DOK6: variants seen among roughly 807,000 people sequenced by gnomAD.
DOK6 encodes the protein docking protein 6.
Under a neutral mutation model 44.0 loss-of-function variants are expected in DOK6, and 22 were observed. The observed-to-expected ratio is 0.50, with a 90% CI of 0.36 to 0.71. The LOEUF (loss-of-function observed/expected upper bound fraction) is 0.71, where lower values mean the gene tolerates loss of function less well. DOK6 is among the 30% of genes least tolerant of loss of function. DOK6 has a pLI of 0.00. For synonymous variants in DOK6, 166 were observed against 145.5 expected (o/e 1.14, Z -1.01); for missense variants, 340 against 416.4 (o/e 0.82, Z 1.60).
At chr18:69,494,475 CAA>C (rs1568275739) in intron 1 of DOK6, among the ~76,000 whole-genome samples, 2 of 119,436 alleles carry the variant, frequency 1.7e-5, no homozygotes, top group African/African-American at 6.5e-5. Flanking sequence ...GATTCTGTCT[CAA>C]AAAACAAACA....
chr18:69,558,028 G>A (rs1178606671), intron 1 of DOK6, among the ~76,000 whole-genome samples: 10 of 152,160 alleles, frequency 6.6e-5, no homozygotes, highest in Admixed American at 3.3e-4. Context: ...CATTCATGTG[G>A]TGCTCTTTCA....
chr18:69,583,071 T>C (rs2144611166), intron 2 of DOK6, among the ~76,000 whole-genome samples: 1 of 152,354 alleles, frequency 6.6e-6, no homozygotes, highest in Non-Finnish European at 1.5e-5. Context: ...GGGGAATACA[T>C]ATAAGGAATG....
rs1291289513 is a variant in DOK6, at chr18:69,847,644, G to A, written c.*6261G>A. The A allele has an allele frequency of 6.6e-6, 1 of 151,926 alleles. No individual in the cohort carries two copies. Among genetic ancestry groups the A allele is most frequent in the Non-Finnish European group, 1.5e-5 (1 of 67,992 alleles). 9.4% of individuals were successfully genotyped at this position (151,926 alleles called of 1,614,324 possible). The stretch of plus-strand genomic sequence containing the variant: ...GAAAATAAAGAACAGAATGATAGTA[G>A]TATCTTGATATTAAATTTGCATCAG... On this transcript the variant is annotated 3_prime_UTR_variant, in exon 8 of 8. Transcript: ENST00000382713.
chr18:69,436,223 G>A (rs534431864), intron 1 of DOK6, among the ~76,000 whole-genome samples: 4 of 150,544 alleles, frequency 2.7e-5, no homozygotes, highest in African/African-American at 9.8e-5. Context: ...GAACGTGCAG[G>A]TTTGTTACAT....
At chr18:69,444,303 T>C (rs2122446681) in intron 1 of DOK6, among the ~76,000 whole-genome samples, 1 of 152,286 alleles carries the variant, frequency 6.6e-6, no homozygotes, top group African/African-American at 2.4e-5. Context: ...TAGCATTATC[T>C]CATGATGGCT....
intron 1 of DOK6, among the ~76,000 whole-genome samples, chr18:69,423,254 A>T (rs143696762): frequency 6.6e-6 from 1 of 152,182 alleles, no homozygotes; most frequent in Non-Finnish European, 1.5e-5. Flanking sequence ...GTGAGCTGCG[A>T]TCATGCCACT....
chr18:69,665,528 T>C (rs1985634730), intron 3 of DOK6, among the ~76,000 whole-genome samples: 2 of 152,276 alleles, frequency 1.3e-5, no homozygotes, highest in South Asian at 2.1e-4. Flanking sequence ...TGAAGTGATG[T>C]CATTTTCTGG....
At chr18:69,489,141 T>A (rs1468423788) in intron 1 of DOK6, among the ~76,000 whole-genome samples, 1 of 152,196 alleles carries the variant, frequency 6.6e-6, no homozygotes, top group Admixed American at 6.5e-5. Flanking sequence ...TCTAAAAGGA[T>A]CACAGCATAT....
At chr18:69,536,286 A>G (rs1367559961) in intron 1 of DOK6, among the ~76,000 whole-genome samples, 1 of 152,192 alleles carries the variant, frequency 6.6e-6, no homozygotes, top group Non-Finnish European at 1.5e-5. Context: ...GGTACATATT[A>G]AATCCAGTAA....
intron 4 of DOK6, among the ~76,000 whole-genome samples, chr18:69,687,760 T>C (rs752861768): frequency 2.0e-5 from 3 of 152,190 alleles, no homozygotes; most frequent in African/African-American, 4.8e-5. Context: ...TCAGTAAACA[T>C]CATTCTTGAG....
intron 1 of DOK6, among the ~76,000 whole-genome samples, chr18:69,412,771 G>A (rs1884098929): frequency 6.6e-6 from 1 of 152,116 alleles, no homozygotes; most frequent in African/African-American, 2.4e-5. Flanking sequence ...GAATGGTGAA[G>A]GTAGCAAATA....
intron 6 of DOK6, among the ~76,000 whole-genome samples, chr18:69,752,523 T>C (rs1316455178): frequency 2.0e-5 from 3 of 152,186 alleles, no homozygotes; most frequent in Non-Finnish European, 4.4e-5. Flanking sequence ...ATTTGGGGCA[T>C]AGCAAGGTAG....
chr18:69,675,427 A>G (rs1040609842), intron 3 of DOK6, among the ~76,000 whole-genome samples: 35 of 152,270 alleles, frequency 2.3e-4, no homozygotes, highest in African/African-American at 7.2e-4. Flanking sequence ...CCTTATCTGT[A>G]GAGAACTGGA....
At chr18:69,808,309 A>G (rs1399392703) in intron 7 of DOK6, among the ~76,000 whole-genome samples, 2 of 151,808 alleles carry the variant, frequency 1.3e-5, no homozygotes, top group Admixed American at 1.3e-4. Context: ...GTTAGCTAAT[A>G]CCAATAAATG....
At chr18:69,401,729 G>A (rs1350607934) in intron 1 of DOK6, among the ~76,000 whole-genome samples, 1 of 152,134 alleles carries the variant, frequency 6.6e-6, no homozygotes, top group Non-Finnish European at 1.5e-5. Flanking sequence ...ACCATTTTCT[G>A]GTCTCCGCTT....
At chr18:69,491,605 G>T (rs181115531) in intron 1 of DOK6, among the ~76,000 whole-genome samples, 149 of 152,278 alleles carry the variant, frequency 9.8e-4, no homozygotes, top group Admixed American at 9.0e-3. Context: ...TCATAAATTT[G>T]CAAAATGTTT....
rs562530096 is a variant in DOK6, at chr18:69,493,722, A to C, written c.67-70765A>C. Among the ~76,000 whole-genome samples, 9 of 152,344 alleles carry C rather than the reference A, an allele frequency of 5.9e-5. No individual in the cohort carries two copies. In the East Asian group the frequency reaches 1.3e-3, roughly 23 times the overall value. ...TGATATCTCCTAAATTGGTGAATAT[A>C]TTTACAAATAATAGAAAATTACAAG... On this transcript the variant is annotated intron_variant, in intron 1 of 7. Transcript: ENST00000382713.
intron 1 of DOK6, among the ~76,000 whole-genome samples, chr18:69,532,582 C>G (rs1010599395): frequency 6.6e-6 from 1 of 152,120 alleles, no homozygotes. Context: ...TTATGGAAGG[C>G]AGGTGTGGTG....
intron 3 of DOK6, chr18:69,618,765 T>A (rs953224601): frequency 6.6e-6 from 1 of 152,170 alleles, no homozygotes; most frequent in African/African-American, 2.4e-5. Flanking sequence ...CCACAACACA[T>A]GGGAATTATG....
Sources: allele counts gnomAD v4.1 joint callset (sites outside exome capture counted in the v4.1 genomes callset), GRCh38; gene constraint gnomAD v4.1.1; transcripts MANE v1.5; gene names NCBI Gene and HGNC (gene_info 2026-07-23, HGNC 2026-07-21).